Variants in POLR2C observed in about 807,000 individuals in gnomAD.
POLR2C encodes the protein RNA polymerase II subunit C.
A neutral mutation model predicts 41.7 loss-of-function variants in POLR2C; 36 were observed. That is an observed-to-expected ratio of 0.86 (90% CI 0.66 to 1.14). POLR2C has a LOEUF of 1.14. Among genes scored for constraint, POLR2C ranks in the 50% most tolerant of loss-of-function variants. The pLI is 0.00. For synonymous variants in POLR2C, 133 were observed against 137.8 expected, an observed-to-expected ratio of 0.96 and a Z score of 0.25; for missense variants, 260 against 350.4, an observed-to-expected ratio of 0.74 and a Z score of 2.06.
intron 2 of POLR2C, 50 bp downstream of exon 2, chr16:57,463,128 T>C: frequency 7.1e-7 from 1 of 1,412,816 alleles, no homozygotes; most frequent in Admixed American, 1.7e-5. Context: ...CCTGCCCCGC[T>C]CTCCACCCAC....
At chr16:57,464,914 T>A (rs185046020) in intron 2 of POLR2C, among the ~76,000 whole-genome samples, 4 of 152,260 alleles carry the variant, frequency 2.6e-5, no homozygotes, top group South Asian at 2.1e-4. Context: ...TTTCTGAAGC[T>A]TGAGGTATAG....
chr16:57,470,513 C>T (rs2030808696), intron 8 of POLR2C, 159 bp downstream of exon 8: 1 of 601,290 alleles, frequency 1.7e-6, no homozygotes, highest in Non-Finnish European at 2.9e-6. Flanking sequence ...GTGCACATCC[C>T]AGGGGCAGGT....
At chr16:57,463,353 T>C (rs2030627610) in intron 2 of POLR2C, 1 of 576,098 alleles carries the variant, frequency 1.7e-6, no homozygotes, top group African/African-American at 1.9e-5. Flanking sequence ...AATACTGTTT[T>C]CACTACTATT....
At chr16:57,467,705 C>A (rs1395997097) in intron 4 of POLR2C, among the ~76,000 whole-genome samples, 1 of 152,236 alleles carries the variant, frequency 6.6e-6, no homozygotes, top group African/African-American at 2.4e-5. Context: ...CCAAGTACTT[C>A]AGCATGCATT....
Position 57,471,138 on chromosome 16 carries a change from A to C in POLR2C, c.*19A>C. On this transcript the variant is annotated 3_prime_UTR_variant, in exon 9 of 9. Transcript: ENST00000219252. ...AAATTAACTGCAGCTTGCCTGCTTC[A>C]GCAAAAACGGAGATTCAGGCCAGCA... 3 of 1,611,182 alleles carry C rather than the reference A, an allele frequency of 1.9e-6. No homozygotes were observed. Among genetic ancestry groups the C allele is most frequent in the Non-Finnish European group, 2.5e-6 (3 of 1,177,448 alleles).
chr16:57,469,359 G>A lies in POLR2C; in HGVS notation c.387+66G>A. 6.4e-7 allele frequency: 1 copy of A among 1,558,316 alleles called. No homozygotes were observed. Among genetic ancestry groups the A allele is most frequent in the Non-Finnish European group, 8.8e-7 (1 of 1,130,094 alleles). On this transcript the variant is annotated intron_variant, in intron 5 of 8. Coordinates refer to ENST00000219252, the MANE Select transcript of POLR2C (RefSeq NM_032940.3). The surrounding 1 kb of genome is among the most constrained non-coding windows in gnomAD (Gnocchi z 5.8). ...CTCTTCTCTGGCTGGCTCCAAGTGG[G>A]CCAGACTGGGGTTGATCCTTAGAAA... is the stretch of plus-strand genomic sequence containing the variant.
chr16:57,463,364 G>C, intron 2 of POLR2C: 2 of 558,688 alleles, frequency 3.6e-6, no homozygotes, highest in Non-Finnish European at 6.4e-6. Flanking sequence ...CACTACTATT[G>C]TTACAAAAGT....
At position 57,466,222 on chromosome 16, in the gene POLR2C, T is replaced by C; in HGVS notation, c.253T>C (p.Ser85Pro). 6.3e-7 allele frequency: 1 copy of C among 1,587,624 alleles called. No individual in the cohort carries two copies. The highest frequency in any genetic ancestry group is 2.2e-5 in the East Asian group (1 of 44,706). ...SDDIVDKLQY[S>P]RDCTCEEFCP... ...TGACATTGTGGACAAGCTGCAGTACTCTCGGGTATGTTGTGTGATTGGGTG... is the reference window on the plus strand; with the variant it reads ...TGACATTGTGGACAAGCTGCAGTACCCTCGGGTATGTTGTGTGATTGGGTG... Residue 85 changes from serine to proline, a missense_variant, in exon 4 of 9, where the codon TCT becomes CCT. Physicochemically the swap from Ser to Pro is moderately conservative, Grantham distance 74 (BLOSUM62 -1). Transcript: ENST00000219252.
chr16:57,464,942 A>G (rs1333756428), intron 2 of POLR2C, among the ~76,000 whole-genome samples: 2 of 152,180 alleles, frequency 1.3e-5, no homozygotes, highest in African/African-American at 4.8e-5. Context: ...ATACACAAAT[A>G]TGACACAAGG....
At chr16:57,465,732 A>AG (rs34299137) in intron 2 of POLR2C, 1 of 525,674 alleles carries the variant, frequency 1.9e-6, no homozygotes, top group Admixed American at 3.7e-5. Context: ...TCTGTGAAGC[A>AG]GGGAGCCCCC....
chr16:57,466,228 G>C lies in POLR2C; in HGVS notation c.258+1G>C, dbSNP rs771921516. 1.7e-5 allele frequency: 27 copies of C among 1,577,030 alleles called. No homozygotes were observed. The highest frequency in any genetic ancestry group is 2.2e-5 in the Non-Finnish European group (26 of 1,160,604). Reference sequence around the variant, plus strand: ...TGTGGACAAGCTGCAGTACTCTCGGGTATGTTGTGTGATTGGGTGGAATGT... The same window carrying C: ...TGTGGACAAGCTGCAGTACTCTCGGCTATGTTGTGTGATTGGGTGGAATGT... On this transcript the variant is annotated splice_donor_variant, in intron 4 of 8. Transcript: ENST00000219252. LOFTEE classifies it high-confidence loss of function.
rs145427785 is a variant in POLR2C, at chr16:57,469,594, G to T, written c.388-116G>T. The stretch of plus-strand genomic sequence containing the variant: ...CTGGGGGCATCTGTGCCACCACCTC[G>T]TCAGGTGTTCGTTCCCTGGTTGACA... On this transcript the variant is annotated intron_variant, in intron 5 of 8. Coordinates refer to ENST00000219252, the MANE Select transcript of POLR2C (RefSeq NM_032940.3). This position sits in a 1 kb window ranked among gnomAD's most constrained non-coding sequence, Gnocchi z 5.8. The T allele has an allele frequency of 1.2e-5, 11 of 919,012 alleles. No individual in the cohort carries two copies. In the South Asian group the frequency reaches 1.4e-4, roughly 11 times the overall value. 56.9% of individuals were successfully genotyped at this position (919,012 alleles called of 1,614,324 possible). A position where few individuals can be genotyped will look rare whatever the true frequency, so the allele number is the denominator to read the frequency against.
intron 4 of POLR2C, 43 bp downstream of exon 4, chr16:57,466,270 G>A (rs750164495): frequency 4.4e-6 from 6 of 1,356,522 alleles, no homozygotes; most frequent in Non-Finnish European, 6.2e-6. Context: ...TGGTGGGGAG[G>A]CTTTGGTTCT....
Position 57,462,760 on chromosome 16 carries a change from G to A in POLR2C, c.36G>A (p.Thr12=), listed in dbSNP as rs765019625. The A allele has an allele frequency of 1.9e-6, 3 of 1,608,480 alleles. No homozygotes were observed. The highest frequency in any genetic ancestry group is 1.7e-6 in the Non-Finnish European group (2 of 1,177,552). ...CCAACCAGCCTACCGTGCGGATCAC[G>A]GAGCTCACTGACGAGAATGTCAAGT... The part of the protein sequence containing the change: ...PYANQPTVRI[T]ELTDENVKFI... The change falls in exon 1 of 9, where the codon ACG becomes ACA. Residue 12 remains threonine, a synonymous_variant. Transcript: ENST00000219252.
chr16:57,462,980 CCTGTCGAGG>C (rs1567582615), intron 1 of POLR2C, 40 bp from the exon 2 acceptor site: 2 of 1,553,342 alleles, frequency 1.3e-6, no homozygotes, highest in Non-Finnish European at 8.9e-7. Flanking sequence ...GCGGGCCCAG[CCTGTCGAGG>C]CTGCAGCGCC....
chr16:57,466,344 C>T (rs1006688241), intron 4 of POLR2C, 117 bp downstream of exon 4: 4 of 724,312 alleles, frequency 5.5e-6, no homozygotes, highest in Admixed American at 2.5e-5. Flanking sequence ...GGAACAACAA[C>T]GTGGAGATGT....
At chr16:57,463,142 C>A in intron 2 of POLR2C, 64 bp downstream of exon 2, 1 of 1,232,798 alleles carries the variant, frequency 8.1e-7, no homozygotes, top group Non-Finnish European at 1.2e-6. Context: ...CACCCACACA[C>A]TCTTTGGGGC....
In POLR2C at chr16:57,469,143, C is replaced by T. The variant is rs1454298487; in HGVS notation, c.259-22C>T. On this transcript the variant is annotated intron_variant, in intron 4 of 8. Transcript: ENST00000219252. This position sits in a 1 kb window ranked among gnomAD's most constrained non-coding sequence, Gnocchi z 5.8. ...AGTTGCCATCTCCCTTTGACTCATT[C>T]CTGCTTCCCTTCCTGCCTTAGGACT... 5 of 1,605,000 alleles carry T rather than the reference C, an allele frequency of 3.1e-6. No individual in the cohort carries two copies. In the African/African-American group the frequency reaches 4.1e-5, roughly 13 times the overall value.
intron 4 of POLR2C, among the ~76,000 whole-genome samples, chr16:57,466,819 T>A (rs1241961528): frequency 2.6e-5 from 4 of 152,222 alleles, no homozygotes; most frequent in Non-Finnish European, 5.9e-5. Context: ...AGCTTAAGGC[T>A]ACTCCCTCTT....
Sources: allele counts gnomAD v4.1 joint callset (sites outside exome capture counted in the v4.1 genomes callset), GRCh38; gene constraint gnomAD v4.1.1; non-coding constraint Gnocchi (gnomAD v3.1); transcripts MANE v1.5; gene names NCBI Gene and HGNC (gene_info 2026-07-23, HGNC 2026-07-21).